WDR27: variants seen among roughly 807,000 people sequenced by gnomAD.
WDR27 encodes the protein WD repeat-containing protein 27.
WDR27 carries 100 observed loss-of-function variants against 114.4 expected under a neutral mutation model. That is an observed-to-expected ratio of 0.87 (90% CI 0.74 to 1.03). The LOEUF is 1.03. WDR27 is among the 50% of genes least tolerant of loss of function. The probability of loss-of-function intolerance (pLI) is 0.00; values close to 1 mark genes in which losing one functional copy is unlikely to be tolerated. For missense variants in WDR27, 1,129 were observed against 1,092.9 expected (o/e 1.03, Z -0.47); for synonymous variants, 449 against 423.1 (o/e 1.06, Z -0.75).
chr6:169,482,593 C>A (rs1788330195), intron 25 of WDR27, among the ~76,000 whole-genome samples: 1 of 152,130 alleles, frequency 6.6e-6, no homozygotes, highest in Admixed American at 6.6e-5. Flanking sequence ...TGGGAGACTT[C>A]AACACCCCCA....
chr6:169,652,497 G>T (rs567710758), intron 13 of WDR27, among the ~76,000 whole-genome samples: 1 of 152,250 alleles, frequency 6.6e-6, no homozygotes, highest in East Asian at 1.9e-4. Context: ...TCCACCTGCC[G>T]CAGCCTCCCA....
chr6:169,665,879 T>C (rs1562873833), intron 6 of WDR27, among the ~76,000 whole-genome samples: 1 of 152,192 alleles, frequency 6.6e-6, no homozygotes, highest in Non-Finnish European at 1.5e-5. Flanking sequence ...ACGGCCCAGC[T>C]CCGGCTGCTT....
At chr6:169,625,064 A>T (rs1814455076) in intron 21 of WDR27, among the ~76,000 whole-genome samples, 1 of 152,192 alleles carries the variant, frequency 6.6e-6, no homozygotes. Flanking sequence ...TGCTTCTCTT[A>T]TGTCACCACT....
chr6:169,518,060 A>C (rs2128059813), intron 25 of WDR27, among the ~76,000 whole-genome samples: 1 of 152,352 alleles, frequency 6.6e-6, no homozygotes, highest in African/African-American at 2.4e-5. Context: ...TACTGCAAGA[A>C]GTGGGTGACC....
intron 25 of WDR27, among the ~76,000 whole-genome samples, chr6:169,464,119 T>C (rs556311685): frequency 3.9e-5 from 6 of 152,350 alleles, no homozygotes; most frequent in African/African-American, 1.4e-4. Flanking sequence ...CTTTCTGATT[T>C]CAAAACTTAC....
intron 25 of WDR27, among the ~76,000 whole-genome samples, chr6:169,562,398 A>C (rs1008859209): frequency 3.3e-5 from 5 of 152,254 alleles, no homozygotes; most frequent in Non-Finnish European, 7.3e-5. Context: ...TAGATAACCC[A>C]TGAATCAATG....
At position 169,673,893 on chromosome 6, in the gene WDR27, T is replaced by A. The variant is rs181756533; in HGVS notation, c.190-1497A>T. Among the ~76,000 whole-genome samples the A allele has an allele frequency of 9.5e-4, 144 of 152,330 alleles. 1 individual carries two copies. The highest frequency in any genetic ancestry group is 2.8e-3 in the African/African-American group (116 of 41,578). On this transcript the variant is annotated intron_variant, in intron 2 of 25. Coordinates refer to ENST00000448612, the MANE Select transcript of WDR27 (RefSeq NM_182552.5). ...ATACAATCTACTAAGGTGAGAGGGA[T>A]GAGCATGCTGCTAAACCCCCTAGGC...
the WDR27 span, among the ~76,000 whole-genome samples, chr6:169,443,624 T>C: frequency 6.6e-6 from 1 of 152,156 alleles, no homozygotes; most frequent in Non-Finnish European, 1.5e-5. Flanking sequence ...CCAGCAATCC[T>C]GCAAGGGACC....
chr6:169,486,538 C>A (rs866459302), intron 25 of WDR27, among the ~76,000 whole-genome samples: 1 of 152,184 alleles, frequency 6.6e-6, no homozygotes. Flanking sequence ...GTCACCCAGG[C>A]TGGAGTGCAG....
intron 25 of WDR27, among the ~76,000 whole-genome samples, chr6:169,532,400 A>G (rs1795704096): frequency 2.0e-5 from 3 of 152,208 alleles, no homozygotes; most frequent in South Asian, 4.1e-4. Context: ...TGCAAAAAAG[A>G]AAGCAGACAT....
chr6:169,497,016 T>C (rs1034422793), intron 25 of WDR27, among the ~76,000 whole-genome samples: 1 of 152,086 alleles, frequency 6.6e-6, no homozygotes, highest in African/African-American at 2.4e-5. Flanking sequence ...CTGGAGGACC[T>C]ACACTTTCTA....
chr6:169,627,491 C>T (rs141301932), intron 21 of WDR27, among the ~76,000 whole-genome samples: 5 of 152,294 alleles, frequency 3.3e-5, no homozygotes, highest in Admixed American at 2.6e-4. Flanking sequence ...ATGACATCAG[C>T]ACTAGAGGAA....
rs552123777 is a variant in WDR27, at chr6:169,673,428, C to CTA, written c.190-1034_190-1033dup. Reference sequence around the variant, plus strand: ...AAATATATATATACACACACACACACTATATATATATACAAACACACACAC... The same window carrying CTA: ...AAATATATATATACACACACACACACTATATATATATATACAAACACACACAC... On this transcript the variant is annotated intron_variant, in intron 2 of 25. Coordinates refer to ENST00000448612, the MANE Select transcript of WDR27 (RefSeq NM_182552.5). Among the ~76,000 whole-genome samples the CTA allele has an allele frequency of 5.6e-3, 846 of 151,340 alleles. 5 individuals carry two copies. The highest frequency in any genetic ancestry group is 0.015 in the African/African-American group (611 of 41,256).
At chr6:169,575,916 G>A (rs186378851) in intron 24 of WDR27, among the ~76,000 whole-genome samples, 67 of 152,294 alleles carry the variant, frequency 4.4e-4, no homozygotes, top group African/African-American at 1.3e-3. Context: ...AAGGGATAAC[G>A]TGTATCTTAA....
intron 23 of WDR27, among the ~76,000 whole-genome samples, chr6:169,593,825 G>A (rs1806238200): frequency 6.6e-6 from 1 of 151,710 alleles, no homozygotes; most frequent in South Asian, 2.1e-4. Context: ...CTCCAACCTG[G>A]GCAACAGAGC....
At chr6:169,588,379 T>C (rs1000830240) in intron 23 of WDR27, among the ~76,000 whole-genome samples, 2 of 152,248 alleles carry the variant, frequency 1.3e-5, no homozygotes, top group African/African-American at 2.4e-5. Flanking sequence ...TAAAACAGAC[T>C]AGTATCTACA....
chr6:169,603,112 G>A (rs1405664149), intron 22 of WDR27, among the ~76,000 whole-genome samples: 1 of 150,532 alleles, frequency 6.6e-6, no homozygotes, highest in African/African-American at 2.4e-5. Context: ...AAAGTGCTGG[G>A]ATTACAGGTT....
intron 24 of WDR27, among the ~76,000 whole-genome samples, chr6:169,577,730 C>T (rs1027019322): frequency 5.9e-5 from 9 of 152,228 alleles, no homozygotes; most frequent in African/African-American, 2.2e-4. Context: ...ACAGCGGCGA[C>T]GGGAAGCGTC....
chr6:169,472,146 A>T (rs1420020850), intron 25 of WDR27, among the ~76,000 whole-genome samples: 1 of 152,204 alleles, frequency 6.6e-6, no homozygotes, highest in African/African-American at 2.4e-5. Context: ...ATTGACATTG[A>T]TAGATGTTTG....
Sources: allele counts gnomAD v4.1 joint callset (sites outside exome capture counted in the v4.1 genomes callset), GRCh38; gene constraint gnomAD v4.1.1; transcripts MANE v1.5; gene names NCBI Gene and HGNC (gene_info 2026-07-23, HGNC 2026-07-21).